CTIF: variants seen among roughly 807,000 people sequenced by gnomAD.
CTIF encodes CBP80/20-dependent translation initiation factor.
A neutral mutation model predicts 66.0 loss-of-function variants in CTIF; 21 were observed. The observed-to-expected ratio is 0.32, with a 90% CI of 0.23 to 0.46. The LOEUF is 0.46. CTIF is among the 20% of genes least tolerant of loss of function. The probability of loss-of-function intolerance (pLI) is 1.00; values close to 1 mark genes in which losing one functional copy is unlikely to be tolerated. For missense variants in CTIF, 739 were observed against 812.7 expected (o/e 0.91, Z 1.10); for synonymous variants, 345 against 326.4 (o/e 1.06, Z -0.62).
At position 48,614,845 on chromosome 18, in the gene CTIF, GTTTGT is replaced by G. The variant is rs376205681; in HGVS notation, c.-28-4685_-28-4681del. On this transcript the variant is annotated intron_variant, in intron 1 of 11. Transcript: ENST00000256413. ...GGTTAAGATTATAAGGTTTTGATTT[GTTTGT>G]TTTGTTTGGTTTGGTTGGTTGGTTG... is the stretch of plus-strand genomic sequence containing the variant. Among the ~76,000 whole-genome samples, 559 of 152,206 alleles carry G rather than the reference GTTTGT, an allele frequency of 3.7e-3. 4 individuals carry two copies. The highest frequency in any genetic ancestry group is 0.011 in the African/African-American group (447 of 41,544).
intron 10 of CTIF, among the ~76,000 whole-genome samples, chr18:48,819,549 G>A (rs1440519038): frequency 6.6e-6 from 1 of 152,218 alleles, no homozygotes; most frequent in Non-Finnish European, 1.5e-5. Context: ...CACCGCCTGA[G>A]GTAGTGCAAA....
intron 9 of CTIF, among the ~76,000 whole-genome samples, chr18:48,805,973 C>A (rs1433421761): frequency 1.3e-5 from 2 of 152,186 alleles, no homozygotes; most frequent in African/African-American, 4.8e-5. Flanking sequence ...AAACAGGATT[C>A]CTGCCTTCAG....
chr18:48,597,702 C>G (rs898015025), intron 1 of CTIF, among the ~76,000 whole-genome samples: 1 of 152,186 alleles, frequency 6.6e-6, no homozygotes. Flanking sequence ...GCCTGCAGAA[C>G]CATGAACCAA....
intron 6 of CTIF, among the ~76,000 whole-genome samples, chr18:48,677,553 C>T (rs1171668644): frequency 6.6e-6 from 1 of 152,148 alleles, no homozygotes; most frequent in African/African-American, 2.4e-5. Flanking sequence ...CTAATCTTAC[C>T]CTCACGTTGT....
chr18:48,804,899 A>C (rs1173242846), intron 9 of CTIF, among the ~76,000 whole-genome samples: 1 of 152,156 alleles, frequency 6.6e-6, no homozygotes, highest in Non-Finnish European at 1.5e-5. Flanking sequence ...TCCAGGCCCC[A>C]GTCTCATCCT....
intron 3 of CTIF, among the ~76,000 whole-genome samples, chr18:48,649,879 G>T (rs2091123650): frequency 6.6e-6 from 1 of 152,216 alleles, no homozygotes; most frequent in Non-Finnish European, 1.5e-5. Flanking sequence ...ACCTGCACCT[G>T]AGGGACCTGA....
At chr18:48,540,856 G>T (rs1026259388) in intron 1 of CTIF, among the ~76,000 whole-genome samples, 6 of 152,096 alleles carry the variant, frequency 3.9e-5, no homozygotes, top group African/African-American at 1.4e-4. Context: ...GCGCGCGCGC[G>T]CCCGAGTTAC....
At chr18:48,695,651 G>A (rs919145180) in intron 6 of CTIF, among the ~76,000 whole-genome samples, 2 of 152,206 alleles carry the variant, frequency 1.3e-5, no homozygotes, top group Non-Finnish European at 2.9e-5. Flanking sequence ...CAGGGCTATT[G>A]TGAGGTTTAA....
At chr18:48,736,225 T>A (rs2092501592) in intron 7 of CTIF, among the ~76,000 whole-genome samples, 2 of 152,136 alleles carry the variant, frequency 1.3e-5, no homozygotes, top group South Asian at 4.1e-4. Flanking sequence ...CTGTGGTTAA[T>A]GAGCTTGGTG....
chr18:48,748,162 G>A (rs1470884770), intron 7 of CTIF, among the ~76,000 whole-genome samples: 2 of 152,080 alleles, frequency 1.3e-5, no homozygotes, highest in Non-Finnish European at 2.9e-5. Flanking sequence ...AGATGGGTCA[G>A]TCTCTTGGAG....
chr18:48,550,397 A>G (rs1238819369), intron 1 of CTIF, among the ~76,000 whole-genome samples: 1 of 152,240 alleles, frequency 6.6e-6, no homozygotes. Context: ...CACATTCTGC[A>G]GAATGAGTTC....
chr18:48,561,511 C>T (rs2089163685), intron 1 of CTIF, among the ~76,000 whole-genome samples: 1 of 152,162 alleles, frequency 6.6e-6, no homozygotes, highest in Admixed American at 6.5e-5. Flanking sequence ...TAAGACCCTT[C>T]TCAGAGAAAC....
At position 48,623,546 on chromosome 18, in the gene CTIF, T is replaced by C. The variant is rs559523345; in HGVS notation, c.180+3801T>C. On this transcript the variant is annotated intron_variant, in intron 2 of 11. Coordinates refer to ENST00000256413, the MANE Select transcript of CTIF (RefSeq NM_014772.3). Reference sequence around the variant, plus strand: ...TGCTAAAGCACTTTGGCTTGTTTTTTTTTTTAATCTGATGACTAGTTTAAA... The same window carrying C: ...TGCTAAAGCACTTTGGCTTGTTTTTCTTTTTAATCTGATGACTAGTTTAAA... 2.0e-5 allele frequency among the ~76,000 whole-genome samples: 3 copies of C among 151,720 alleles called. No homozygotes were observed. In the South Asian group the frequency reaches 6.2e-4, roughly 31 times the overall value.
intron 7 of CTIF, among the ~76,000 whole-genome samples, chr18:48,712,462 G>A (rs921518164): frequency 6.6e-6 from 1 of 152,176 alleles, no homozygotes; most frequent in Non-Finnish European, 1.5e-5. Flanking sequence ...TCTTATGTGT[G>A]GTCATTTATG....
Position 48,743,216 on chromosome 18 carries a change from A to G in CTIF, c.585-14703A>G, listed in dbSNP as rs1182774851. On this transcript the variant is annotated intron_variant, in intron 7 of 11. Coordinates refer to ENST00000256413, the MANE Select transcript of CTIF (RefSeq NM_014772.3). ...GCTCCTGCAGCTTGCAGAGCTTCAC[A>G]ACCCCGGGCTGGAGGCAGACAGAGC... Among the ~76,000 whole-genome samples the G allele has an allele frequency of 9.2e-5, 14 of 152,256 alleles. 1 individual carries two copies. In the East Asian group the frequency reaches 2.7e-3, roughly 29 times the overall value.
At chr18:48,782,507 A>ACTGTGAGC (rs1271751191) in intron 9 of CTIF, among the ~76,000 whole-genome samples, 3 of 152,166 alleles carry the variant, frequency 2.0e-5, no homozygotes, top group Non-Finnish European at 2.9e-5. Context: ...GGGTGACAAG[A>ACTGTGAGC]CTGTGAGCGG....
chr18:48,728,819 A>G (rs920936989), intron 7 of CTIF, among the ~76,000 whole-genome samples: 2 of 152,288 alleles, frequency 1.3e-5, no homozygotes, highest in Admixed American at 6.5e-5. Flanking sequence ...AAAGCAACAT[A>G]CCATCCCTTC....
intron 6 of CTIF, among the ~76,000 whole-genome samples, chr18:48,682,022 G>A (rs951898963): frequency 3.3e-5 from 5 of 152,044 alleles, no homozygotes; most frequent in Admixed American, 3.3e-4. Context: ...CTGAGCTCAG[G>A]TGATCCACCT....
At chr18:48,580,867 G>T (rs949937719) in intron 1 of CTIF, among the ~76,000 whole-genome samples, 2 of 152,220 alleles carry the variant, frequency 1.3e-5, no homozygotes, top group African/African-American at 4.8e-5. Flanking sequence ...CCCCTGCCTG[G>T]CAGGATGTGG....
Sources: allele counts gnomAD v4.1 joint callset (sites outside exome capture counted in the v4.1 genomes callset), GRCh38; gene constraint gnomAD v4.1.1; transcripts MANE v1.5; gene names NCBI Gene and HGNC (gene_info 2026-07-23, HGNC 2026-07-21).